The following PDE12 variants were observed in gnomAD, a reference collection of about 807,000 sequenced individuals.
PDE12 encodes phosphodiesterase 12, also known as 2',5'-phosphodiesterase 12.
A neutral mutation model predicts 45.4 loss-of-function variants in PDE12; 26 were observed. That is an observed-to-expected ratio of 0.57 (90% CI 0.42 to 0.79). The LOEUF (loss-of-function observed/expected upper bound fraction) is 0.79, where lower values mean the gene tolerates loss of function less well. Among genes scored for constraint, PDE12 ranks in the 30% least tolerant of loss-of-function variants. The pLI, the probability that PDE12 is intolerant of heterozygous loss-of-function variation, is 0.00. For missense variants in PDE12, 668 were observed against 790.0 expected (o/e 0.85, Z 1.85); for synonymous variants, 283 against 323.9 (o/e 0.87, Z 1.36).
the PDE12 span, among the ~76,000 whole-genome samples, chr3:57,644,709 G>T: frequency 8.9e-5 from 3 of 33,640 alleles, no homozygotes; most frequent in Non-Finnish European, 1.7e-4. Context: ...GGGAGGGGAG[G>T]GGAGAGGAGG....
chr3:57,567,424 GCATC>G (rs1042611354), downstream of PDE12, among the ~76,000 whole-genome samples: 9 of 152,164 alleles, frequency 5.9e-5, no homozygotes, highest in African/African-American at 9.7e-5. Context: ...ATACTGGCAG[GCATC>G]CAATAATACA....
At chr3:57,585,062 CCAT>C in the PDE12 span, among the ~76,000 whole-genome samples, 1 of 152,046 alleles carries the variant, frequency 6.6e-6, no homozygotes, top group Non-Finnish European at 1.5e-5. Flanking sequence ...CGGGGTTTCA[CCAT>C]GTTGGCCAGG....
At position 57,563,033 on chromosome 3, in the gene PDE12, A is replaced by C. The variant is rs1191602533; in HGVS notation, c.*3029A>C. ...TGGAAATTGACATCTTTTGTATCTC[A>C]TTCTCCAGCCGTGAAATAAAGGCAG... On this transcript the variant is annotated 3_prime_UTR_variant, in exon 3 of 3. Coordinates refer to ENST00000311180, the MANE Select transcript of PDE12 (RefSeq NM_177966.7). The C allele has an allele frequency of 6.6e-6, 1 of 152,218 alleles. No homozygotes were observed. The highest frequency in any genetic ancestry group is 2.4e-5 in the African/African-American group (1 of 41,466). 9.4% of individuals were successfully genotyped at this position (152,218 alleles called of 1,614,324 possible). A position where few individuals can be genotyped will look rare whatever the true frequency, so the allele number is the denominator to read the frequency against.
At chr3:57,646,332 C>T in the PDE12 span, 1 of 1,613,128 alleles carries the variant, frequency 6.2e-7, no homozygotes, top group Admixed American at 1.7e-5. Context: ...AGTGCCAATA[C>T]AGTCTCTGAT....
At chr3:57,603,239 G>A in the PDE12 span, among the ~76,000 whole-genome samples, 1 of 152,214 alleles carries the variant, frequency 6.6e-6, no homozygotes, top group African/African-American at 2.4e-5. Context: ...TATTTACCAG[G>A]TACCACTGCA....
At chr3:57,593,034 A>T in the PDE12 span, among the ~76,000 whole-genome samples, 1 of 152,012 alleles carries the variant, frequency 6.6e-6, no homozygotes, top group African/African-American at 2.4e-5. Flanking sequence ...CAAGACCCCC[A>T]TTCTCTACAA....
At chr3:57,622,916 A>C in the PDE12 span, among the ~76,000 whole-genome samples, 1 of 152,298 alleles carries the variant, frequency 6.6e-6, no homozygotes, top group African/African-American at 2.4e-5. Context: ...GTGACGGAAA[A>C]CATCTATACT....
the PDE12 span, among the ~76,000 whole-genome samples, chr3:57,576,806 T>C: frequency 2.6e-5 from 4 of 152,110 alleles, no homozygotes; most frequent in Non-Finnish European, 5.9e-5. Context: ...GAACCAAACA[T>C]TTGTCTCTAC....
Position 57,557,262 on chromosome 3 carries a change from A to T in PDE12, c.883A>T (p.Ile295Phe), listed in dbSNP as rs1322873027. ...GAAGAAGGTGACTGAGGACGCTCTC[A>T]TCCGCACTGTCTCTTACAACATCCT... ...YTKKVTEDAL[I>F]RTVSYNILAD... The change falls in exon 1 of 3, where the codon ATC becomes TTC. Residue 295 changes from isoleucine (I) to phenylalanine (F), a missense_variant. Ile to Phe is a conservative substitution (Grantham distance 21). Around this residue, in one of 3 missense-constraint regions of PDE12, gnomAD observed 580 missense variants for 662.9 expected, o/e 0.87. Coordinates refer to ENST00000311180, the MANE Select transcript of PDE12 (RefSeq NM_177966.7). The T allele has an allele frequency of 1.9e-6, 3 of 1,613,790 alleles. No homozygotes were observed. Among genetic ancestry groups the T allele is most frequent in the Admixed American group, 3.3e-5 (2 of 59,964 alleles).
the PDE12 span, among the ~76,000 whole-genome samples, chr3:57,588,067 G>C: frequency 6.6e-6 from 1 of 152,056 alleles, no homozygotes. Flanking sequence ...TGCAATATTT[G>C]GCAATGAAAT....
At chr3:57,592,623 T>G in the PDE12 span, among the ~76,000 whole-genome samples, 1 of 152,176 alleles carries the variant, frequency 6.6e-6, no homozygotes, top group African/African-American at 2.4e-5. Flanking sequence ...ATCAGTTAAT[T>G]AGCAGCAAAT....
chr3:57,580,189 G>GTT, the PDE12 span, among the ~76,000 whole-genome samples: 1 of 151,992 alleles, frequency 6.6e-6, no homozygotes, highest in African/African-American at 2.4e-5. Context: ...TATACTACTT[G>GTT]TTATATATAT....
At chr3:57,637,766 C>CAAA in the PDE12 span, among the ~76,000 whole-genome samples, 766 of 109,408 alleles carry the variant, frequency 7.0e-3, 7 homozygotes, top group African/African-American at 0.024. Flanking sequence ...AATAAGACTT[C>CAAA]AAAAAAAAAA....
Position 57,556,814 on chromosome 3 carries a change from C to T in PDE12, c.435C>T (p.Gly145=). 2 of 1,613,078 alleles carry T rather than the reference C, an allele frequency of 1.2e-6. No homozygotes were observed. The highest frequency in any genetic ancestry group is 2.7e-5 in the African/African-American group (2 of 75,058). The change falls in exon 1 of 3, where the codon GGC becomes GGT. Residue 145 remains glycine, a synonymous_variant. Coordinates refer to ENST00000311180, the MANE Select transcript of PDE12 (RefSeq NM_177966.7). This position sits in a 1 kb window ranked among gnomAD's most constrained non-coding sequence, Gnocchi z 5.0. ...DVLNVDAWQD[G]AVLQIGDVKY... ...TCAACGTGGATGCCTGGCAAGACGG[C>T]GCGGTGCTGCAGATCGGCGATGTTA...
the PDE12 span, among the ~76,000 whole-genome samples, chr3:57,629,074 C>A: frequency 6.6e-6 from 1 of 152,178 alleles, no homozygotes; most frequent in Non-Finnish European, 1.5e-5. Context: ...TAATTTTCTG[C>A]ATTAGCCAGA....
At chr3:57,569,279 G>C (rs186840482), downstream of PDE12, among the ~76,000 whole-genome samples, 743 of 151,998 alleles carry the variant, frequency 4.9e-3, 5 homozygotes, top group African/African-American at 0.017. Flanking sequence ...AAGAAAAAAA[G>C]GAACTTTAAA....
At position 57,560,738 on chromosome 3, in the gene PDE12, T is replaced by C. The variant is rs543059604; in HGVS notation, c.*734T>C. 24 of 984,852 alleles carry C rather than the reference T, an allele frequency of 2.4e-5. No individual in the cohort carries two copies. The highest frequency in any genetic ancestry group is 2.8e-5 in the Non-Finnish European group (23 of 829,066). The allele number at this position is 984,852 out of a possible 1,614,324, so 61.0% of individuals were successfully genotyped here. A position where few individuals can be genotyped will look rare whatever the true frequency, so the allele number is the denominator to read the frequency against. On this transcript the variant is annotated 3_prime_UTR_variant, in exon 3 of 3. Transcript: ENST00000311180. ...TGACAACACATTCCAAAATGAATCA[T>C]GCTTATGTACTAAGAGGGAAAATGT...
At chr3:57,573,405 T>TC in the PDE12 span, among the ~76,000 whole-genome samples, 1 of 152,180 alleles carries the variant, frequency 6.6e-6, no homozygotes, top group South Asian at 2.1e-4. Flanking sequence ...AGTTTACTTT[T>TC]ATTAATTTTT....
chr3:57,597,319 G>T, the PDE12 span: 3 of 580,934 alleles, frequency 5.2e-6, no homozygotes, highest in South Asian at 6.1e-5. Flanking sequence ...ACAGGAATAA[G>T]CCGGTAGAGG....
Sources: allele counts gnomAD v4.1 joint callset (sites outside exome capture counted in the v4.1 genomes callset), GRCh38; gene constraint gnomAD v4.1.1; regional missense constraint gnomAD v4.1.1; non-coding constraint Gnocchi (gnomAD v3.1); transcripts MANE v1.5; gene names NCBI Gene and HGNC (gene_info 2026-07-23, HGNC 2026-07-21).